SLC2A9: variants seen among roughly 807,000 people sequenced by gnomAD.
SLC2A9 encodes the protein solute carrier family 2, facilitated glucose transporter member 9.
SLC2A9 carries 39 observed loss-of-function variants against 50.6 expected under a neutral mutation model. That is an observed-to-expected ratio of 0.77 (90% CI 0.60 to 1.01). The LOEUF (loss-of-function observed/expected upper bound fraction) is 1.01. Ranked by LOEUF, SLC2A9 falls within the 50% of genes least tolerant of loss-of-function variation. The pLI, the probability that SLC2A9 is intolerant of heterozygous loss-of-function variation, is 0.00. For synonymous variants in SLC2A9, 324 were observed against 276.9 expected, an observed-to-expected ratio of 1.17 and a Z score of -1.69; for missense variants, 686 against 677.6, an observed-to-expected ratio of 1.01 and a Z score of -0.14.
chr4:9,834,958 G>A lies in SLC2A9; in HGVS notation c.1342C>T (p.Pro448Ser). ...GTGCCTGCAATGATGAAGGCAGCCG[G>A]CCGCTGAGATTGCTGGAAGAACTCA... ...TGEFFQQSQRPAAFIIAGTVN... is the reference protein window; with the variant it reads ...TGEFFQQSQRSAAFIIAGTVN... The change falls in exon 11 of 12, where the codon CCG (proline) becomes TCG (serine). Residue 448 changes from proline to serine, a missense_variant. By Grantham distance (74) the Pro-to-Ser change is moderately conservative. Transcript: ENST00000264784. The A allele has an allele frequency of 1.9e-6, 3 of 1,614,038 alleles. No homozygotes were observed. In the South Asian group the frequency reaches 3.3e-5, roughly 18 times the overall value.
In SLC2A9 at chr4:9,980,506, G is replaced by A. The variant is rs1188879204; in HGVS notation, c.681+86C>T. 6.9e-6 allele frequency: 11 copies of A among 1,594,402 alleles called. No homozygotes were observed. In the South Asian group the frequency reaches 1.0e-4, roughly 15 times the overall value. On this transcript the variant is annotated intron_variant, in intron 5 of 11. Coordinates refer to ENST00000264784, the MANE Select transcript of SLC2A9 (RefSeq NM_020041.3). ...TGAATACCAGAAATTGCAAAATACA[G>A]GGACCAGCTTTTGGAGAAAAGGCTC...
chr4:9,880,135 C>T (rs1353087727), intron 10 of SLC2A9: 1 of 985,348 alleles, frequency 1.0e-6, no homozygotes, highest in Non-Finnish European at 1.2e-6. Flanking sequence ...TTGCTCTTCC[C>T]TGTCCACTTA....
intron 10 of SLC2A9, among the ~76,000 whole-genome samples, chr4:9,876,794 T>C (rs1017099640): frequency 1.3e-5 from 2 of 152,192 alleles, no homozygotes; most frequent in Admixed American, 1.3e-4. Flanking sequence ...AGTCTTTGTT[T>C]CTAGACAGGG....
At chr4:9,848,998 G>A (rs1019650107) in intron 10 of SLC2A9, among the ~76,000 whole-genome samples, 11 of 152,198 alleles carry the variant, frequency 7.2e-5, no homozygotes, top group African/African-American at 2.7e-4. Flanking sequence ...CACCGTGCCT[G>A]GCCAGAAATT....
intron 5 of SLC2A9, among the ~76,000 whole-genome samples, chr4:9,965,955 T>C (rs1752985593): frequency 6.6e-6 from 1 of 152,268 alleles, no homozygotes; most frequent in Non-Finnish European, 1.5e-5. Context: ...GTTTTACTAG[T>C]GAGGTCTTTT....
intron 2 of SLC2A9, among the ~76,000 whole-genome samples, chr4:10,005,447 T>G (rs1760620436): frequency 6.6e-6 from 1 of 152,166 alleles, no homozygotes; most frequent in Non-Finnish European, 1.5e-5. Context: ...GGGGAGCCAT[T>G]GGAGGGTTTT....
At chr4:9,780,689 C>G (rs73805844) in intron 3 of SLC2A9, among the ~76,000 whole-genome samples, 168 of 152,342 alleles carry the variant, frequency 1.1e-3, no homozygotes, top group African/African-American at 3.8e-3. Flanking sequence ...CTGAGCTTAA[C>G]GCCAGTAGAG....
At chr4:9,852,414 G>C (rs188796369) in intron 10 of SLC2A9, among the ~76,000 whole-genome samples, 3 of 151,436 alleles carry the variant, frequency 2.0e-5, no homozygotes, top group Admixed American at 6.6e-5. Flanking sequence ...CACCGCGCCC[G>C]GCTAATTTTT....
intron 10 of SLC2A9, among the ~76,000 whole-genome samples, chr4:9,840,625 C>T (rs1252843468): frequency 6.6e-6 from 1 of 152,048 alleles, no homozygotes; most frequent in Non-Finnish European, 1.5e-5. Flanking sequence ...GTTAAATGTT[C>T]TGTGAAGAAG....
chr4:9,970,930 T>C (rs961935894), intron 5 of SLC2A9, among the ~76,000 whole-genome samples: 1 of 152,164 alleles, frequency 6.6e-6, no homozygotes, highest in African/African-American at 2.4e-5. Context: ...TAGAAGGACA[T>C]TGTGAAACCT....
intron 6 of SLC2A9, among the ~76,000 whole-genome samples, chr4:9,940,273 T>C (rs1205062564): frequency 6.6e-6 from 1 of 152,142 alleles, no homozygotes; most frequent in Non-Finnish European, 1.5e-5. Context: ...CTGACAACCA[T>C]CTGAACCAAA....
chr4:10,010,678 C>A (rs752494933), intron 2 of SLC2A9, among the ~76,000 whole-genome samples: 3 of 152,146 alleles, frequency 2.0e-5, no homozygotes, highest in Non-Finnish European at 4.4e-5. Flanking sequence ...ATACTTTTGC[C>A]AAGCCTCCAA....
intron 8 of SLC2A9, among the ~76,000 whole-genome samples, chr4:9,896,766 G>C (rs1253013109): frequency 6.6e-6 from 1 of 152,166 alleles, no homozygotes; most frequent in Non-Finnish European, 1.5e-5. Flanking sequence ...TATAATAAGG[G>C]TTGCCATTCA....
chr4:9,772,284 C>G (rs1716926284), intron 1 of SLC2A9, among the ~76,000 whole-genome samples: 1 of 152,118 alleles, frequency 6.6e-6, no homozygotes. Context: ...CTGGTGGAGC[C>G]ATTTTGAGAT....
At chr4:9,910,323 T>C (rs1161091563) in intron 7 of SLC2A9, among the ~76,000 whole-genome samples, 1 of 152,222 alleles carries the variant, frequency 6.6e-6, no homozygotes, top group Non-Finnish European at 1.5e-5. Flanking sequence ...TTCCTATTGT[T>C]CTCAGGGCTG....
chr4:9,800,179 C>G (rs1046947682), intron 3 of SLC2A9, among the ~76,000 whole-genome samples: 2 of 152,176 alleles, frequency 1.3e-5, no homozygotes, highest in Non-Finnish European at 2.9e-5. Flanking sequence ...CTAGAAGCAG[C>G]TTGAGTGAAG....
At position 9,835,028 on chromosome 4, in the gene SLC2A9, A is replaced by T; in HGVS notation, c.1292-20T>A. 6.2e-7 allele frequency: 1 copy of T among 1,612,628 alleles called. No individual in the cohort carries two copies. Among genetic ancestry groups the T allele is most frequent in the Non-Finnish European group, 8.5e-7 (1 of 1,179,870 alleles). ...TGCCACCTGCAGTGTGTGAGCCAGG[A>T]CATGGAATTAATCACTCTGAGAAGG... is the stretch of plus-strand genomic sequence containing the variant. On this transcript the variant is annotated intron_variant, in intron 10 of 11. Transcript: ENST00000264784.
At chr4:9,801,214 T>C (rs1721361816) in intron 3 of SLC2A9, among the ~76,000 whole-genome samples, 1 of 151,846 alleles carries the variant, frequency 6.6e-6, no homozygotes. Context: ...AAAGCTATCC[T>C]AGACTTTCCC....
At chr4:9,919,363 G>T (rs751661426) in intron 7 of SLC2A9, among the ~76,000 whole-genome samples, 12 of 152,144 alleles carry the variant, frequency 7.9e-5, no homozygotes, top group Non-Finnish European at 1.5e-5. Context: ...CAGTGTTTCC[G>T]AAAATAGAAC....
Sources: gnomAD v4.1 joint callset for allele counts (sites outside exome capture counted in the v4.1 genomes callset) on GRCh38, gnomAD v4.1.1 for gene constraint, MANE v1.5 for transcripts, NCBI Gene and HGNC (gene_info 2026-07-23, HGNC 2026-07-21) for gene names.